Variants in AACS observed in about 807,000 individuals in gnomAD.
The protein encoded by AACS is acetoacetyl-CoA synthetase.
In AACS, 69 loss-of-function variants were observed where a neutral mutation model predicts 83.1. The observed-to-expected ratio is 0.83, with a 90% CI of 0.68 to 1.01. The LOEUF (loss-of-function observed/expected upper bound fraction) is 1.01. Among genes scored for constraint, AACS ranks in the 50% least tolerant of loss-of-function variants. The probability of loss-of-function intolerance (pLI) is 0.00; values close to 1 mark genes in which losing one functional copy is unlikely to be tolerated. For synonymous variants in AACS, 333 were observed against 343.4 expected (o/e 0.97, Z 0.33); for missense variants, 866 against 882.2 (o/e 0.98, Z 0.23).
rs769440526 is a variant in AACS at position 125,107,143 on chromosome 12, G to T, written c.790G>T (p.Ala264Ser). Residue 264 changes from alanine to serine, a missense_variant, in exon 8 of 18, where the codon GCC (alanine) becomes TCC (serine). Ala to Ser is a moderately conservative substitution (Grantham distance 99, BLOSUM62 1). Transcript: ENST00000316519. Reference sequence around the variant, plus strand: ...CAGTGTGTTTCTGGATGACTTTCTTGCCACCGGCACCAGTGAGCAGGCCCC... The same window carrying T: ...CAGTGTGTTTCTGGATGACTTTCTTTCCACCGGCACCAGTGAGCAGGCCCC... ...PNSVFLDDFL[A>S]TGTSEQAPQL... 1 of 1,614,126 alleles carries T rather than the reference G, an allele frequency of 6.2e-7. No homozygotes were observed. The highest frequency in any genetic ancestry group is 8.5e-7 in the Non-Finnish European group (1 of 1,180,034).
rs1327833404 is a variant in AACS at position 125,065,624 on chromosome 12, G to C, written c.40G>C (p.Glu14Gln). 1 of 1,542,450 alleles carries C rather than the reference G, an allele frequency of 6.5e-7. No homozygotes were observed. Among genetic ancestry groups the C allele is most frequent in the Admixed American group, 2.0e-5 (1 of 50,296 alleles). ...EERPGREEIL[E>Q]CQVMWEPDSK... is the part of the protein sequence containing the mutation. ...GCGCCCCGGTCGGGAGGAGATCCTG[G>C]AGTGCCAGGTGATGTGGGAGCCTGA... is the stretch of plus-strand genomic sequence containing the variant. The change falls in exon 1 of 18, where the codon GAG (glutamate) becomes CAG (glutamine). Residue 14 changes from glutamate to glutamine, a missense_variant. Transcript: ENST00000316519.
chr12:125,134,841 T>G lies in AACS; in HGVS notation c.1667T>G (p.Ile556Ser). Reference sequence around the variant, plus strand: ...GGGGTGCGGTTCGGCAGCTCGGAAATCTATAACATTGGTACGTGCTTCCCC... The same window carrying G: ...GGGGTGCGGTTCGGCAGCTCGGAAAGCTATAACATTGGTACGTGCTTCCCC... ...PNGVRFGSSE[I>S]YNIVESFEEV... The change falls in exon 16 of 18, where the codon ATC (isoleucine) becomes AGC (serine). Residue 556 changes from isoleucine (I) to serine (S), a missense_variant. Physicochemically the swap from Ile to Ser is moderately radical, Grantham distance 142. Coordinates refer to ENST00000316519, the MANE Select transcript of AACS (RefSeq NM_023928.5). 6.2e-7 allele frequency: 1 copy of G among 1,614,012 alleles called. No individual in the cohort carries two copies. Among genetic ancestry groups the G allele is most frequent in the Non-Finnish European group, 8.5e-7 (1 of 1,180,002 alleles).
intron 8 of AACS, among the ~76,000 whole-genome samples, chr12:125,108,758 C>G (rs541455837): frequency 6.6e-6 from 1 of 151,934 alleles, no homozygotes; most frequent in East Asian, 1.9e-4. Flanking sequence ...ACCTCTGCCT[C>G]CTGGGCTTAA....
intron 13 of AACS, 91 bp downstream of exon 13, chr12:125,128,365 T>C: frequency 8.6e-7 from 1 of 1,164,096 alleles, no homozygotes; most frequent in Non-Finnish European, 1.2e-6. Context: ...TGGACATAGT[T>C]CTCCAAAACA....
In AACS at chr12:125,065,473, C is replaced by A; in HGVS notation, c.-112C>A. On this transcript the variant is annotated 5_prime_UTR_variant, in exon 1 of 18. Coordinates refer to ENST00000316519, the MANE Select transcript of AACS (RefSeq NM_023928.5). ...CCGCCGCCGCCGTCGCTGACCCAGC[C>A]CGCCAGGCGCTCCTGACCGTCGCTT... The A allele has an allele frequency of 8.3e-7, 1 of 1,203,760 alleles. No individual in the cohort carries two copies. Among genetic ancestry groups the A allele is most frequent in the Non-Finnish European group, 1.1e-6 (1 of 925,740 alleles). The allele number at this position is 1,203,760 out of a possible 1,614,324, so 74.6% of individuals were successfully genotyped here. A position where few individuals can be genotyped will look rare whatever the true frequency, so the allele number is the denominator to read the frequency against.
intron 12 of AACS, 59 bp downstream of exon 12, chr12:125,125,083 C>T (rs779996308): frequency 2.5e-6 from 4 of 1,605,662 alleles, no homozygotes; most frequent in African/African-American, 1.3e-5. Flanking sequence ...TAAGTATGCA[C>T]ACCTCTGCCC....
At chr12:125,083,428 G>A (rs1956250433) in intron 3 of AACS, among the ~76,000 whole-genome samples, 2 of 152,166 alleles carry the variant, frequency 1.3e-5, no homozygotes, top group South Asian at 4.1e-4. Flanking sequence ...GGAGTCACTG[G>A]GGGGCCATTG....
intron 10 of AACS, chr12:125,124,222 G>A (rs1477276086): frequency 6.4e-6 from 1 of 155,494 alleles, no homozygotes; most frequent in Non-Finnish European, 1.4e-5. Flanking sequence ...TTGGGCCCAG[G>A]AGTTGGAGAC....
Position 125,130,875 on chromosome 12 carries a change from A to G in AACS, c.1549+1415A>G, listed in dbSNP as rs1180387631. Among the ~76,000 whole-genome samples, 1 of 152,176 alleles carries G rather than the reference A, an allele frequency of 6.6e-6. No individual in the cohort carries two copies. Among genetic ancestry groups the G allele is most frequent in the Non-Finnish European group, 1.5e-5 (1 of 68,036 alleles). ...TACTTCCTGAGTGTAGGTGAGAGAT[A>G]TGAATAAATATGGAAAGACAAAGGC... On this transcript the variant is annotated intron_variant, in intron 14 of 17. Transcript: ENST00000316519. The surrounding 1 kb of genome is among the most constrained non-coding windows in gnomAD (Gnocchi z 4.9).
chr12:125,110,257 G>T (rs1956927130), intron 8 of AACS, among the ~76,000 whole-genome samples: 1 of 148,092 alleles, frequency 6.8e-6, no homozygotes, highest in East Asian at 2.0e-4. Context: ...GTGTTTAGTA[G>T]AGACGGGGTT....
intron 4 of AACS, among the ~76,000 whole-genome samples, chr12:125,090,231 T>C (rs202165871): frequency 0.012 from 117 of 9,810 alleles, 35 homozygotes; most frequent in Middle Eastern, 0.042. Context: ...ATCCATTTAT[T>C]ATGCTTCCAC....
chr12:125,107,623 C>T (rs1200180783), intron 8 of AACS, among the ~76,000 whole-genome samples: 1 of 152,100 alleles, frequency 6.6e-6, no homozygotes, highest in Non-Finnish European at 1.5e-5. Context: ...GTGGGCCCTG[C>T]CAGTATTTTA....
At chr12:125,074,660 G>GTTTTTT (rs869194296) in intron 2 of AACS, among the ~76,000 whole-genome samples, 11 of 122,156 alleles carry the variant, frequency 9.0e-5, no homozygotes, top group African/African-American at 1.7e-4. Context: ...CATTGTTGTA[G>GTTTTTT]TTTTTTTTTT....
chr12:125,126,964 T>A (rs1195918784), intron 12 of AACS: 1 of 151,942 alleles, frequency 6.6e-6, no homozygotes. Flanking sequence ...TCAAAGCACC[T>A]CTTTAAGAGG....
In AACS at chr12:125,118,533, C is replaced by A. The variant is rs956575274; in HGVS notation, c.997-108C>A. ...TTTGAAATGGGAAGTTAGCACCAAC[C>A]TGTGGCTCCATCTTAGGTGGTTTCC... On this transcript the variant is annotated intron_variant, in intron 9 of 17. Transcript: ENST00000316519. 7 of 1,480,720 alleles carry A rather than the reference C, an allele frequency of 4.7e-6. No homozygotes were observed. The Admixed American group carries it at 6.3e-5, about 13-fold the overall frequency. The allele number at this position is 1,480,720 out of a possible 1,614,324, so 91.7% of individuals were successfully genotyped here. A position where few individuals can be genotyped will look rare whatever the true frequency, so the allele number is the denominator to read the frequency against.
intron 8 of AACS, among the ~76,000 whole-genome samples, chr12:125,110,403 A>G (rs1296403943): frequency 1.3e-5 from 2 of 152,238 alleles, no homozygotes; most frequent in African/African-American, 2.4e-5. Flanking sequence ...CTGCTATCAC[A>G]TCTTACTTCC....
intron 1 of AACS, among the ~76,000 whole-genome samples, chr12:125,068,370 G>A (rs1276503728): frequency 6.6e-6 from 1 of 152,140 alleles, no homozygotes; most frequent in East Asian, 1.9e-4. Context: ...AAGGTGGGAG[G>A]GTTGCTGGAG....
intron 5 of AACS, chr12:125,092,572 A>T (rs1304787525): frequency 6.6e-6 from 1 of 152,398 alleles, no homozygotes; most frequent in Admixed American, 6.5e-5. Flanking sequence ...AGCTGGGCTG[A>T]TGATGGAGCC....
At chr12:125,121,403 G>A (rs1957150705) in intron 10 of AACS, 1 of 152,240 alleles carries the variant, frequency 6.6e-6, no homozygotes, top group Non-Finnish European at 1.5e-5. Flanking sequence ...AGGCATGCGG[G>A]GCAGGCACAG....
Sources: gnomAD v4.1 joint callset for allele counts (sites outside exome capture counted in the v4.1 genomes callset) on GRCh38, gnomAD v4.1.1 for gene constraint, Gnocchi (gnomAD v3.1) non-coding constraint, MANE v1.5 for transcripts, NCBI Gene and HGNC (gene_info 2026-07-23, HGNC 2026-07-21) for gene names.